ARHGAP6: variants seen among roughly 807,000 people sequenced by gnomAD.
The protein encoded by ARHGAP6 is rho GTPase-activating protein 6.
ARHGAP6 carries 16 observed loss-of-function variants against 55.7 expected under a neutral mutation model. The observed-to-expected ratio is 0.29, with a 90% CI of 0.19 to 0.44. The LOEUF (loss-of-function observed/expected upper bound fraction) is 0.44, where lower values mean the gene tolerates loss of function less well. ARHGAP6 is among the 20% of genes least tolerant of loss of function. The pLI is 1.00. For synonymous variants in ARHGAP6, 382 were observed against 360.9 expected, an observed-to-expected ratio of 1.06 and a Z score of -0.66; for missense variants, 698 against 808.9, an observed-to-expected ratio of 0.86 and a Z score of 1.66.
intron 1 of ARHGAP6, among the ~76,000 whole-genome samples, chrX:11,494,262 CA>C (rs2050600799): frequency 8.9e-6 from 1 of 111,969 alleles, no homozygotes; most frequent in African/African-American, 3.2e-5. Context: ...AAATAAAAAT[CA>C]GTGTATTCCT....
chrX:11,573,795 A>G (rs1164578942), intron 1 of ARHGAP6, among the ~76,000 whole-genome samples: 1 of 110,757 alleles, frequency 9.0e-6, no homozygotes, highest in Non-Finnish European at 1.9e-5. Context: ...CATTTTCACG[A>G]TATTGATTCT....
chrX:11,635,113 G>T (rs138570093), intron 1 of ARHGAP6, among the ~76,000 whole-genome samples: 1 of 112,441 alleles, frequency 8.9e-6, no homozygotes, highest in Non-Finnish European at 1.9e-5. Context: ...AATCCAGCAA[G>T]ATAGAACCGG....
chrX:11,179,086 A>G (rs191911764), intron 7 of ARHGAP6, among the ~76,000 whole-genome samples: 93 of 112,354 alleles, frequency 8.3e-4, no homozygotes, highest in African/African-American at 2.9e-3. Flanking sequence ...AGCATCTCAA[A>G]TTCTTCTTGG....
chrX:11,660,697 G>A (rs906017207), intron 1 of ARHGAP6, among the ~76,000 whole-genome samples: 11 of 109,404 alleles, frequency 1.0e-4, no homozygotes, highest in East Asian at 2.9e-4. Flanking sequence ...AAATTATTGC[G>A]CTTAGGGCCC....
intron 1 of ARHGAP6, among the ~76,000 whole-genome samples, chrX:11,628,940 T>C (rs1169523452): frequency 9.0e-6 from 1 of 111,715 alleles, no homozygotes; most frequent in East Asian, 2.8e-4. Context: ...CAGTAAGTGT[T>C]TAATTATTAT....
At chrX:11,624,481 C>T (rs1175695613) in intron 1 of ARHGAP6, among the ~76,000 whole-genome samples, 1 of 113,127 alleles carries the variant, frequency 8.8e-6, no homozygotes, top group Non-Finnish European at 1.9e-5. Context: ...ATTCATCTGA[C>T]GTTAACAACC....
At chrX:11,262,037 T>C (rs766271241) in intron 1 of ARHGAP6, among the ~76,000 whole-genome samples, 13 of 112,255 alleles carry the variant, frequency 1.2e-4, no homozygotes, top group African/African-American at 3.9e-4. Context: ...TTAACAATTA[T>C]TTATATATTT....
At chrX:11,627,881 T>C (rs1198605016) in intron 1 of ARHGAP6, among the ~76,000 whole-genome samples, 1 of 112,053 alleles carries the variant, frequency 8.9e-6, no homozygotes, top group African/African-American at 3.2e-5. Context: ...GAGACTGGTA[T>C]ATGCAACCTT....
At chrX:11,366,123 T>A (rs2049074751) in intron 1 of ARHGAP6, among the ~76,000 whole-genome samples, 1 of 112,240 alleles carries the variant, frequency 8.9e-6, no homozygotes, top group African/African-American at 3.2e-5. Context: ...GCAAATAGCA[T>A]CACACTGGCT....
intron 1 of ARHGAP6, among the ~76,000 whole-genome samples, chrX:11,301,375 A>G (rs2048173811): frequency 1.8e-5 from 2 of 112,093 alleles, no homozygotes; most frequent in African/African-American, 6.5e-5. Flanking sequence ...AGTCTTCAAA[A>G]TGTTAACAAA....
intron 1 of ARHGAP6, among the ~76,000 whole-genome samples, chrX:11,329,473 G>T (rs1021554955): frequency 2.7e-5 from 3 of 111,909 alleles, no homozygotes; most frequent in African/African-American, 9.7e-5. Flanking sequence ...TTAATGAATT[G>T]ATTAGTTTAA....
chrX:11,179,420 GAC>G lies in ARHGAP6; in HGVS notation c.1360_1361del (p.Val454LeufsTer10). On this transcript the variant is annotated frameshift_variant, in exon 7 of 13. Transcript: ENST00000337414. LOFTEE classifies it high-confidence loss of function. ...GAACACTGTGCTCCTCCTCCAGAGA[GAC>G]ATCAATCCCACGGTCAAATTCCTCA... ...LREEFDRGID[V>X]SLEEEHSVHD... The G allele has an allele frequency of 8.3e-7, 1 of 1,209,994 alleles. No homozygotes were observed. The highest frequency in any genetic ancestry group is 1.1e-6 in the Non-Finnish European group (1 of 894,934).
intron 1 of ARHGAP6, among the ~76,000 whole-genome samples, chrX:11,515,699 A>G (rs1183117250): frequency 2.7e-5 from 3 of 112,416 alleles, no homozygotes; most frequent in African/African-American, 9.7e-5. Flanking sequence ...GTGGGCACAA[A>G]CTCATCTTGT....
At chrX:11,417,581 G>A (rs1389711426) in intron 1 of ARHGAP6, among the ~76,000 whole-genome samples, 1 of 111,626 alleles carries the variant, frequency 9.0e-6, no homozygotes, top group Non-Finnish European at 1.9e-5. Flanking sequence ...GTGTAAATAA[G>A]ATGCTACCAT....
chrX:11,184,548 A>G (rs1453005276), intron 5 of ARHGAP6, among the ~76,000 whole-genome samples: 1 of 112,711 alleles, frequency 8.9e-6, no homozygotes, highest in Non-Finnish European at 1.9e-5. Context: ...TTAATTATTC[A>G]GAAACCATGT....
Position 11,303,837 on chromosome X carries a change from T to C in ARHGAP6, c.589-49130A>G, listed in dbSNP as rs193226745. ...CTATCTGCTGTGGAAACTTGGACAA[T>C]TTTTTTGGCCTCTCTATGGCTCAGT... On this transcript the variant is annotated intron_variant, in intron 1 of 12. Transcript: ENST00000337414. Among the ~76,000 whole-genome samples the C allele has an allele frequency of 6.3e-5, 7 of 111,408 alleles. No individual in the cohort carries two copies. The Admixed American group carries it at 6.6e-4, about 11-fold the overall frequency.
At chrX:11,483,295 T>A (rs905896639) in intron 1 of ARHGAP6, among the ~76,000 whole-genome samples, 2 of 111,993 alleles carry the variant, frequency 1.8e-5, no homozygotes, top group Non-Finnish European at 3.8e-5. Context: ...CGAGCCATGA[T>A]TGTTGTAAAC....
intron 2 of ARHGAP6, among the ~76,000 whole-genome samples, chrX:11,242,409 A>C (rs2047295411): frequency 9.0e-6 from 1 of 111,166 alleles, no homozygotes; most frequent in East Asian, 2.8e-4. Flanking sequence ...ACTTGCTTTC[A>C]TTTTTCCACA....
chrX:11,567,566 A>AAAAAAAAAAAAAATATATATATATAT (rs1440758737), intron 1 of ARHGAP6, among the ~76,000 whole-genome samples: 46 of 84,385 alleles, frequency 5.5e-4, no homozygotes, highest in African/African-American at 1.2e-3. Context: ...AAAAAAAAAA[A>AAAAAAAAAAAAAATATATATATATAT]ATATATATAT....
Sources: gnomAD v4.1 joint callset for allele counts (sites outside exome capture counted in the v4.1 genomes callset) on GRCh38, gnomAD v4.1.1 for gene constraint, MANE v1.5 for transcripts, NCBI Gene and HGNC (gene_info 2026-07-23, HGNC 2026-07-21) for gene names.